The following DSPP variants were observed in gnomAD, a reference collection of about 807,000 sequenced individuals.
The protein encoded by DSPP is dentin sialophosphoprotein, also known as deafness, autosomal dominant 39.
DSPP carries 28 observed loss-of-function variants against 29.1 expected under a neutral mutation model. The ratio of observed to expected loss-of-function variants is 0.96; its 90% CI spans 0.71 to 1.32. The LOEUF (loss-of-function observed/expected upper bound fraction) is 1.32. DSPP is among the 40% of genes most tolerant of loss of function. The probability of loss-of-function intolerance (pLI) is 0.00; values close to 1 mark genes in which losing one functional copy is unlikely to be tolerated. For missense variants in DSPP, 1,281 were observed against 1,629.9 expected (o/e 0.79, Z 3.69); for synonymous variants, 481 against 503.4 (o/e 0.96, Z 0.60).
At position 87,613,796 on chromosome 4, in the gene DSPP, C is replaced by G; in HGVS notation, c.1134C>G (p.Ile378Met). The G allele has an allele frequency of 6.2e-7, 1 of 1,614,094 alleles. No homozygotes were observed. Among genetic ancestry groups the G allele is most frequent in the Admixed American group, 1.7e-5 (1 of 60,020 alleles). Residue 378 changes from isoleucine to methionine, a missense_variant, in exon 5 of 5, where the codon ATC becomes ATG. Transcript: ENST00000651931. ...VGKSQDKGIE[I>M]KGPSSGNRNI... ...CCATCCTTCCATAGGGAATAGAAAT[C>G]AAGGGTCCCAGCAGTGGCAACAGAA...
intron 2 of DSPP, 28 bp from the exon 3 acceptor site, chr4:87,612,077 T>C: frequency 6.2e-7 from 1 of 1,608,566 alleles, no homozygotes; most frequent in Non-Finnish European, 8.5e-7. Flanking sequence ...AAGAACCTTT[T>C]CAATAGCCAG....
In DSPP at chr4:87,616,585, G is replaced by A. The variant is rs2615489; in HGVS notation, c.*17G>A. ...GATGATTAGAACAAAAGAAAAACCC[G>A]TAAGATTCCTTTTGTGAAAAGTTTG... is the stretch of plus-strand genomic sequence containing the variant. On this transcript the variant is annotated 3_prime_UTR_variant, in exon 5 of 5. Transcript: ENST00000651931. The A allele has an allele frequency of 0.86, 1,338,480 of 1,551,650 alleles. 579,143 individuals carry two copies. Among genetic ancestry groups the A allele is most frequent in the Admixed American group, 0.92 (46,721 of 51,008 alleles).
At position 87,615,471 on chromosome 4, in the gene DSPP, GACAGCAGCA is replaced by G; in HGVS notation, c.2817_2825del (p.Asn940_Ser942del). On this transcript the variant is annotated inframe_deletion, in exon 5 of 5. Transcript: ENST00000651931. ...TAGTAGTGACAACAGCAATAGCAGT[GACAGCAGCA>G]ACAGCAGTGACAGCAGTGATAGCAG... The G allele has an allele frequency of 6.4e-7, 1 of 1,550,408 alleles. No homozygotes were observed.
chr4:87,611,234 G>A (rs898783557), intron 2 of DSPP, among the ~76,000 whole-genome samples: 8 of 151,858 alleles, frequency 5.3e-5, no homozygotes, highest in African/African-American at 1.2e-4. Context: ...CTCATATCTC[G>A]TCTGAAGGAT....
chr4:87,615,920 TAG>T lies in DSPP; in HGVS notation c.3259_3260del (p.Ser1087GlnfsTer2). ...DSSDSSESSD[S>X]SDSSNSSDSS... ...GCAGTGATAGCAGTGAAAGCAGTGA[TAG>T]CAGTGACAGCAGCAATAGCAGTGAC... On this transcript the variant is annotated frameshift_variant, in exon 5 of 5. Coordinates refer to ENST00000651931, the MANE Select transcript of DSPP (RefSeq NM_014208.3). LOFTEE classifies it low-confidence loss of function (END_TRUNC). 1.5e-6 allele frequency: 1 copy of T among 659,724 alleles called. No homozygotes were observed. Among genetic ancestry groups the T allele is most frequent in the Non-Finnish European group, 2.3e-6 (1 of 428,444 alleles). The allele number at this position is 659,724 out of a possible 1,614,324, so 40.9% of individuals were successfully genotyped here.
rs929813551 is a variant in DSPP at position 87,613,585 on chromosome 4, T to C, written c.1123-200T>C. The stretch of plus-strand genomic sequence containing the variant: ...TACAAAAGTTCCTACTGGGTAGGAA[T>C]GTGGATGAATTTTTAAGGAATCTAA... On this transcript the variant is annotated intron_variant, in intron 4 of 4. Coordinates refer to ENST00000651931, the MANE Select transcript of DSPP (RefSeq NM_014208.3). Among the ~76,000 whole-genome samples the C allele has an allele frequency of 2.6e-5, 4 of 152,176 alleles. 1 individual carries two copies. The South Asian group carries it at 6.2e-4, about 24-fold the overall frequency.
chr4:87,615,142 G>A lies in DSPP; in HGVS notation c.2480G>A (p.Ser827Asn), dbSNP rs1274027183. 3.9e-6 allele frequency: 6 copies of A among 1,540,314 alleles called. No homozygotes were observed. Among genetic ancestry groups the A allele is most frequent in the East Asian group, 2.5e-5 (1 of 40,702 alleles). Residue 827 changes from serine to asparagine, a missense_variant, in exon 5 of 5, where the codon AGT becomes AAT. By Grantham distance (46) the Ser-to-Asn change is conservative. Coordinates refer to ENST00000651931, the MANE Select transcript of DSPP (RefSeq NM_014208.3). The part of the protein sequence containing the change: ...DSDSSNSSDS[S>N]NSSDSSDSSN... ...GACAGCAGCAATAGCAGTGACAGCA[G>A]TAATAGTAGTGACAGCAGCGATAGC...
intron 4 of DSPP, 95 bp downstream of exon 4, chr4:87,613,403 A>G: frequency 6.9e-7 from 1 of 1,454,424 alleles, no homozygotes; most frequent in Admixed American, 1.8e-5. Context: ...ACAAGCATCC[A>G]TGTATTTTTG....
rs1291727576 is a variant in DSPP at position 87,613,062 on chromosome 4, T to C, written c.876T>C (p.Asp292=). The change falls in exon 4 of 5, where the codon GAT becomes GAC. Residue 292 remains aspartate (D), a synonymous_variant. Transcript: ENST00000651931. ...ACCATGGGAAAGAAGATGATCATGA[T>C]AGTAGCATAGGTCAAAATTCAGATA... ...GQDHGKEDDH[D]SSIGQNSDSK... 3 of 1,614,094 alleles carry C rather than the reference T, an allele frequency of 1.9e-6. No homozygotes were observed. The highest frequency in any genetic ancestry group is 2.5e-6 in the Non-Finnish European group (3 of 1,180,022).
Position 87,615,317 on chromosome 4 carries a change from C to A in DSPP, c.2655C>A (p.Ser885Arg). Residue 885 changes from serine to arginine, a missense_variant, in exon 5 of 5, where the codon AGC becomes AGA. This residue lies in a region of DSPP where 444 missense variants were observed against 611.4 expected (regional missense o/e 0.73). Transcript: ENST00000651931. ...NSSDSSDSSD[S>R]NESSNSSDSS... Reference sequence around the variant, plus strand: ...GTGACAGCAGTGATAGCAGTGACAGCAACGAAAGCAGCAATAGCAGTGACA... The same window carrying A: ...GTGACAGCAGTGATAGCAGTGACAGAAACGAAAGCAGCAATAGCAGTGACA... 6.6e-7 allele frequency: 1 copy of A among 1,515,486 alleles called. No homozygotes were observed. 93.9% of individuals were successfully genotyped at this position (1,515,486 alleles called of 1,614,324 possible). A position where few individuals can be genotyped will look rare whatever the true frequency, so the allele number is the denominator to read the frequency against.
In DSPP at chr4:87,615,785, TAGCAGTGACAGCAGCGATAGCAGTGAC is replaced by T. The variant is rs755486010; in HGVS notation, c.3139_3165del (p.Asp1047_Ser1055del). On this transcript the variant is annotated inframe_deletion, in exon 5 of 5. Transcript: ENST00000651931. ...GCAGCGATAGCAGTGACAGCAGCGA[TAGCAGTGACAGCAGCGATAGCAGTGAC>T]AGCAGTGACAGCAGCAATAGCAGTG... The T allele has an allele frequency of 7.7e-5, 110 of 1,433,246 alleles. 2 individuals are homozygous for T. In the East Asian group the frequency reaches 2.8e-3, roughly 37 times the overall value. The allele number at this position is 1,433,246 out of a possible 1,614,324, so 88.8% of individuals were successfully genotyped here.
chr4:87,611,060 T>TGTGC, intron 2 of DSPP, 101 bp downstream of exon 2: 1 of 1,147,260 alleles, frequency 8.7e-7, no homozygotes, highest in Non-Finnish European at 1.3e-6. Context: ...TGTGTGTGTG[T>TGTGC]GTGCATGTAC....
At chr4:87,610,811 C>A in intron 1 of DSPP, 70 bp from the exon 2 acceptor site, 1 of 1,072,422 alleles carries the variant, frequency 9.3e-7, no homozygotes, top group Non-Finnish European at 1.4e-6. Context: ...GCTTACACAT[C>A]AAAATAATAT....
rs1267900234 is a variant in DSPP, at chr4:87,615,316, G to A, written c.2654G>A (p.Ser885Asn). The A allele has an allele frequency of 1.3e-6, 2 of 1,515,854 alleles. No individual in the cohort carries two copies. Among genetic ancestry groups the A allele is most frequent in the Admixed American group, 2.1e-5 (1 of 48,098 alleles). The allele number at this position is 1,515,854 out of a possible 1,614,324, so 93.9% of individuals were successfully genotyped here. A position where few individuals can be genotyped will look rare whatever the true frequency, so the allele number is the denominator to read the frequency against. ...AGTGACAGCAGTGATAGCAGTGACA[G>A]CAACGAAAGCAGCAATAGCAGTGAC... Reference protein sequence around the residue: ...NSSDSSDSSDSNESSNSSDSS... With the variant: ...NSSDSSDSSDNNESSNSSDSS... The change falls in exon 5 of 5, where the codon AGC becomes AAC. Residue 885 changes from serine (S) to asparagine (N), a missense_variant. Coordinates refer to ENST00000651931, the MANE Select transcript of DSPP (RefSeq NM_014208.3).
rs528911800 is a variant in DSPP, at chr4:87,610,689, C to A, written c.-28-192C>A. Among the ~76,000 whole-genome samples the A allele has an allele frequency of 3.3e-5, 5 of 152,252 alleles. No individual in the cohort carries two copies. In the South Asian group the frequency reaches 8.3e-4, roughly 25 times the overall value. ...CACAGGCAGAAAAAAATCTAGGAAG[C>A]TACATTAGTGCTGAGCCTGGTGATG... On this transcript the variant is annotated intron_variant, in intron 1 of 4. Coordinates refer to ENST00000651931, the MANE Select transcript of DSPP (RefSeq NM_014208.3).
chr4:87,611,062 T>TGTGCGC (rs1491292723), intron 2 of DSPP, 103 bp downstream of exon 2: 2 of 1,079,328 alleles, frequency 1.9e-6, no homozygotes, highest in African/African-American at 1.6e-5. Context: ...TGTGTGTGTG[T>TGTGCGC]GCATGTACAT....
Position 87,608,844 on chromosome 4 carries a change from A to C in DSPP, c.-29+224A>C, listed in dbSNP as rs1222915730. On this transcript the variant is annotated intron_variant, in intron 1 of 4. Transcript: ENST00000651931. Reference sequence around the variant, plus strand: ...GGAAGAAGAAAGACCTCGTACTGAAAAATTGGCCAACTGAGGTGGAAATTT... The same window carrying C: ...GGAAGAAGAAAGACCTCGTACTGAACAATTGGCCAACTGAGGTGGAAATTT... Among the ~76,000 whole-genome samples, 5 of 152,218 alleles carry C rather than the reference A, an allele frequency of 3.3e-5. 1 individual carries two copies. The highest frequency in any genetic ancestry group is 1.2e-4 in the African/African-American group (5 of 41,450).
At chr4:87,611,974 T>A in intron 2 of DSPP, 131 bp from the exon 3 acceptor site, 1 of 988,290 alleles carries the variant, frequency 1.0e-6, no homozygotes, top group East Asian at 2.6e-5. Context: ...CTTTGGCCTT[T>A]GTGTTAAACC....
At position 87,612,427 on chromosome 4, in the gene DSPP, A is replaced by C; in HGVS notation, c.241A>C (p.Asn81His). ...CCAAGATGGTCACAAGGGAGAAGGG[A>C]ATGGCTCTAAGTGGGCAGAAGTAGG... is the stretch of plus-strand genomic sequence containing the variant. ...NTQDGHKGEG[N>H]GSKWAEVGGK... Residue 81 changes from asparagine to histidine, a missense_variant, in exon 4 of 5, where the codon AAT (asparagine) becomes CAT (histidine). Transcript: ENST00000651931. 6.2e-7 allele frequency: 1 copy of C among 1,614,078 alleles called. No homozygotes were observed. The highest frequency in any genetic ancestry group is 8.5e-7 in the Non-Finnish European group (1 of 1,179,978).
Sources: gnomAD v4.1 joint callset for allele counts (sites outside exome capture counted in the v4.1 genomes callset) on GRCh38, gnomAD v4.1.1 for gene constraint, gnomAD v4.1.1 regional missense constraint, MANE v1.5 for transcripts, NCBI Gene and HGNC (gene_info 2026-07-23, HGNC 2026-07-21) for gene names.